Variants in MIOS observed in about 807,000 individuals in gnomAD.
MIOS encodes GATOR2 complex protein MIOS.
In MIOS, 52 loss-of-function variants were observed where a neutral mutation model predicts 96.9. The observed-to-expected ratio is 0.54, with a 90% confidence interval of 0.43 to 0.68. The LOEUF (loss-of-function observed/expected upper bound fraction) is 0.68. Among genes scored for constraint, MIOS ranks in the 30% least tolerant of loss-of-function variants. MIOS has a pLI of 0.00. For missense variants in MIOS, 1,005 were observed against 1,052.8 expected (o/e 0.95, Z 0.63); for synonymous variants, 397 against 359.5 (o/e 1.10, Z -1.18).
intron 9 of MIOS, among the ~76,000 whole-genome samples, chr7:7,592,585 A>G (rs1197527189): frequency 1.3e-5 from 2 of 152,006 alleles, no homozygotes; most frequent in Admixed American, 1.3e-4. Context: ...GGGAGCTCTG[A>G]GGTTATTTTC....
chr7:7,575,213 G>A (rs752587136), intron 5 of MIOS, among the ~76,000 whole-genome samples: 1 of 152,000 alleles, frequency 6.6e-6, no homozygotes, highest in Non-Finnish European at 1.5e-5. Context: ...AATCCAATTT[G>A]ATTTTTTACG....
chr7:7,599,359 A>T (rs1163169824), intron 11 of MIOS, among the ~76,000 whole-genome samples: 1 of 152,210 alleles, frequency 6.6e-6, no homozygotes, highest in Non-Finnish European at 1.5e-5. Flanking sequence ...CTAAAATCCC[A>T]AACATCCTGG....
chr7:7,591,920 G>C (rs1305856331), intron 9 of MIOS, among the ~76,000 whole-genome samples: 2 of 151,736 alleles, frequency 1.3e-5, no homozygotes, highest in African/African-American at 4.8e-5. Flanking sequence ...AGTGTTCGTA[G>C]GTGCCTGAGG....
chr7:7,594,665 G>GTAT (rs1316747909), intron 9 of MIOS, among the ~76,000 whole-genome samples: 1 of 152,122 alleles, frequency 6.6e-6, no homozygotes, highest in Non-Finnish European at 1.5e-5. Context: ...GGGACAAAGG[G>GTAT]TATTCGTATC....
At chr7:7,583,551 CTT>C (rs1168872973) in intron 6 of MIOS, among the ~76,000 whole-genome samples, 179 bp downstream of exon 6, 6 of 151,914 alleles carry the variant, frequency 3.9e-5, no homozygotes, top group Non-Finnish European at 5.9e-5. Context: ...TAGCTCATCT[CTT>C]ATGCCTTGGT....
At chr7:7,596,864 C>T (rs985712043) in intron 11 of MIOS, among the ~76,000 whole-genome samples, 1 of 152,132 alleles carries the variant, frequency 6.6e-6, no homozygotes, top group African/African-American at 2.4e-5. Context: ...AGCACTTTGA[C>T]ATTTCTTCCT....
intron 6 of MIOS, among the ~76,000 whole-genome samples, chr7:7,585,328 A>G (rs1783849844): frequency 6.6e-6 from 1 of 152,038 alleles, no homozygotes; most frequent in African/African-American, 2.4e-5. Flanking sequence ...GAGTTTGCAC[A>G]CATGGGCATG....
intron 5 of MIOS, among the ~76,000 whole-genome samples, chr7:7,576,519 A>G (rs538341181): frequency 3.9e-5 from 6 of 152,316 alleles, no homozygotes; most frequent in African/African-American, 1.4e-4. Flanking sequence ...CAGCATGTGC[A>G]GTGGACCCAG....
chr7:7,588,593 G>A (rs745335982), intron 8 of MIOS, 30 bp downstream of exon 8: 1 of 1,439,446 alleles, frequency 6.9e-7, no homozygotes. Flanking sequence ...CACATTTGAA[G>A]TAATTAATAT....
chr7:7,576,997 A>T (rs549427130), intron 5 of MIOS, among the ~76,000 whole-genome samples: 1 of 152,220 alleles, frequency 6.6e-6, no homozygotes, highest in African/African-American at 2.4e-5. Context: ...GAGCAAGTTG[A>T]AATCAAGATG....
intron 5 of MIOS, 67 bp from the exon 6 acceptor site, chr7:7,583,051 G>C: frequency 6.7e-7 from 1 of 1,482,420 alleles, no homozygotes; most frequent in Non-Finnish European, 9.1e-7. Flanking sequence ...ATAGTTCTCT[G>C]TAAAACTGAC....
intron 11 of MIOS, among the ~76,000 whole-genome samples, chr7:7,598,320 A>G (rs1266655402): frequency 1.3e-5 from 2 of 152,186 alleles, no homozygotes; most frequent in African/African-American, 4.8e-5. Flanking sequence ...TATCGTGTTC[A>G]TTTAAGTAGT....
intron 3 of MIOS, among the ~76,000 whole-genome samples, chr7:7,571,597 T>C (rs1419010355): frequency 6.6e-6 from 1 of 152,164 alleles, no homozygotes; most frequent in African/African-American, 2.4e-5. Flanking sequence ...TAAAGAAAAA[T>C]ATTAATGGCA....
intron 11 of MIOS, among the ~76,000 whole-genome samples, chr7:7,601,929 A>G (rs1336841707): frequency 2.6e-5 from 4 of 152,200 alleles, no homozygotes; most frequent in African/African-American, 4.8e-5. Flanking sequence ...TACGAAAATC[A>G]ATAAATGTAA....
intron 3 of MIOS, among the ~76,000 whole-genome samples, chr7:7,571,346 A>G (rs948911465): frequency 6.6e-6 from 1 of 152,168 alleles, no homozygotes; most frequent in African/African-American, 2.4e-5. Flanking sequence ...CACTTATTCA[A>G]AGTTTGTAGA....
chr7:7,595,030 G>T lies in MIOS; in HGVS notation c.2094G>T (p.Glu698Asp). The T allele has an allele frequency of 6.2e-7, 1 of 1,613,786 alleles. No homozygotes were observed. Among genetic ancestry groups the T allele is most frequent in the Non-Finnish European group, 8.5e-7 (1 of 1,179,754 alleles). ...ATGAAAGGGTTCAGTACTGGATTGA[G>T]AATTATAGAAATTTATTAGATGCCT... ...LKDERVQYWI[E>D]NYRNLLDAWR... The change falls in exon 10 of 13, where the codon GAG (glutamate) becomes GAT (aspartate). Residue 698 changes from glutamate to aspartate, a missense_variant. This residue lies in a region of MIOS where 865 missense variants were observed against 887.9 expected (regional missense o/e 0.97). Transcript: ENST00000340080.
intron 5 of MIOS, among the ~76,000 whole-genome samples, chr7:7,580,326 C>G (rs1204178727): frequency 1.3e-5 from 2 of 152,154 alleles, no homozygotes; most frequent in Non-Finnish European, 2.9e-5. Flanking sequence ...GCTGACTCCC[C>G]TCATGGTTGC....
chr7:7,595,684 G>T (rs1238159130), intron 10 of MIOS, among the ~76,000 whole-genome samples: 1 of 152,128 alleles, frequency 6.6e-6, no homozygotes, highest in Non-Finnish European at 1.5e-5. Flanking sequence ...ACTTGAGAAA[G>T]TGCTTATGTT....
chr7:7,604,838 A>G (rs1027814930), intron 11 of MIOS, among the ~76,000 whole-genome samples: 5 of 152,218 alleles, frequency 3.3e-5, no homozygotes, highest in Admixed American at 3.3e-4. Context: ...AAACAAAGTG[A>G]CAAGCACTAA....
Sources: gnomAD v4.1 joint callset for allele counts (sites outside exome capture counted in the v4.1 genomes callset) on GRCh38, gnomAD v4.1.1 for gene constraint, gnomAD v4.1.1 regional missense constraint, MANE v1.5 for transcripts, NCBI Gene and HGNC (gene_info 2026-07-23, HGNC 2026-07-21) for gene names.